Variants in INTS6 observed in about 807,000 individuals in gnomAD.
INTS6 encodes integrator complex subunit 6, also known as DEAD box protein.
A neutral mutation model predicts 104.9 loss-of-function variants in INTS6; 16 were observed. The observed-to-expected ratio is 0.15, with a 90% CI of 0.10 to 0.23. INTS6 has a LOEUF of 0.23. Among genes scored for constraint, INTS6 ranks in the 10% least tolerant of loss-of-function variants. INTS6 has a pLI of 1.00. For synonymous variants in INTS6, 324 were observed against 358.7 expected, an observed-to-expected ratio of 0.90 and a Z score of 1.09; for missense variants, 584 against 1,062.8, an observed-to-expected ratio of 0.55 and a Z score of 6.26.
intron 6 of INTS6, 83 bp downstream of exon 6, chr13:51,389,236 G>T: frequency 2.7e-6 from 4 of 1,474,174 alleles, no homozygotes; most frequent in Non-Finnish European, 2.7e-6. Flanking sequence ...CTATCTTAAG[G>T]CCAAATCACA....
intron 4 of INTS6, among the ~76,000 whole-genome samples, chr13:51,428,498 T>G (rs1957025351): frequency 2.0e-5 from 3 of 152,138 alleles, no homozygotes; most frequent in Non-Finnish European, 4.4e-5. Context: ...CTAATTTTTT[T>G]GTATTTTTGG....
At chr13:51,372,797 C>T (rs942834148) in intron 15 of INTS6, among the ~76,000 whole-genome samples, 1 of 152,154 alleles carries the variant, frequency 6.6e-6, no homozygotes, top group Admixed American at 6.5e-5. Flanking sequence ...TTCTTGAAAC[C>T]CCACTGTCAG....
chr13:51,379,013 G>C (rs1322737491), intron 11 of INTS6, among the ~76,000 whole-genome samples: 1 of 151,942 alleles, frequency 6.6e-6, no homozygotes, highest in African/African-American at 2.4e-5. Context: ...TATACTGCTT[G>C]ACTACTATAG....
At chr13:51,440,526 G>A (rs575011520) in intron 3 of INTS6, 2 of 152,168 alleles carry the variant, frequency 1.3e-5, no homozygotes, top group Admixed American at 6.5e-5. Context: ...CACTCATCAC[G>A]AACTCACTCA....
chr13:51,354,581 C>A (rs1955451485), intron 3 of INTS6, among the ~76,000 whole-genome samples: 2 of 149,130 alleles, frequency 1.3e-5, no homozygotes, highest in Non-Finnish European at 3.0e-5. Flanking sequence ...CATAGGGAGA[C>A]CCCATCTCAG....
intron 6 of INTS6, among the ~76,000 whole-genome samples, chr13:51,388,271 A>G (rs1262105394): frequency 1.3e-5 from 2 of 151,660 alleles, no homozygotes; most frequent in Non-Finnish European, 2.9e-5. Context: ...CCATTCTTTC[A>G]TCTCTATGAT....
At chr13:51,380,062 C>T (rs972746313) in intron 10 of INTS6, among the ~76,000 whole-genome samples, 1 of 151,936 alleles carries the variant, frequency 6.6e-6, no homozygotes, top group African/African-American at 2.4e-5. Context: ...AATAACAATA[C>T]CTACTCTTAC....
chr13:51,347,937 G>A, the INTS6 span, among the ~76,000 whole-genome samples: 4 of 148,608 alleles, frequency 2.7e-5, no homozygotes, highest in African/African-American at 1.0e-4. Context: ...TACTCTATGT[G>A]GTTCTGCATG....
In INTS6 at chr13:51,361,706, T is replaced by C; in HGVS notation, c.*4046A>G. 1 of 1,017,912 alleles carries C rather than the reference T, an allele frequency of 9.8e-7. No individual in the cohort carries two copies. The highest frequency in any genetic ancestry group is 1.6e-5 in the African/African-American group (1 of 61,450). 63.1% of individuals were successfully genotyped at this position (1,017,912 alleles called of 1,614,324 possible). ...ACAACAGTAAACAATCAAATGCCAT[T>C]AGGATGCTTTGATTTCTTAAAAAAT... On this transcript the variant is annotated 3_prime_UTR_variant, in exon 18 of 18. Transcript: ENST00000311234.
intron 4 of INTS6, among the ~76,000 whole-genome samples, chr13:51,415,409 C>T (rs1365787979): frequency 6.6e-6 from 1 of 152,108 alleles, no homozygotes; most frequent in Non-Finnish European, 1.5e-5. Flanking sequence ...CCCACAATTC[C>T]CACATTTTGT....
At chr13:51,356,356 G>A (rs1386263456) in intron 3 of INTS6, among the ~76,000 whole-genome samples, 1 of 152,056 alleles carries the variant, frequency 6.6e-6, no homozygotes, top group Non-Finnish European at 1.5e-5. Context: ...TGAAAAGATT[G>A]GAGGGCAAGG....
chr13:51,420,137 C>T (rs893718338), intron 4 of INTS6, among the ~76,000 whole-genome samples: 1 of 152,084 alleles, frequency 6.6e-6, no homozygotes, highest in Non-Finnish European at 1.5e-5. Context: ...CCATGTTATT[C>T]AAGAAGCAAA....
intron 4 of INTS6, among the ~76,000 whole-genome samples, chr13:51,415,087 C>CT (rs1956762638): frequency 1.3e-5 from 2 of 151,246 alleles, no homozygotes; most frequent in South Asian, 4.2e-4. Context: ...CTACTGCATT[C>CT]TGTTATAGCA....
At chr13:51,449,470 C>T (rs1022074717) in intron 3 of INTS6, 4 of 985,006 alleles carry the variant, frequency 4.1e-6, no homozygotes, top group South Asian at 4.7e-5. Context: ...AGCAGTTTTT[C>T]GAAGGAAGCA....
intron 7 of INTS6, chr13:51,384,187 T>TACATAAC (rs1956099358): frequency 6.3e-6 from 1 of 159,524 alleles, no homozygotes; most frequent in Admixed American, 6.1e-5. Flanking sequence ...TAACAAAATA[T>TACATAAC]ATACCAAAAT....
intron 4 of INTS6, among the ~76,000 whole-genome samples, chr13:51,399,865 A>C (rs1428550264): frequency 6.6e-6 from 1 of 151,954 alleles, no homozygotes; most frequent in East Asian, 1.9e-4. Flanking sequence ...TATTATTTTT[A>C]ATTGGGTTGT....
chr13:51,396,941 T>C (rs1956350578), intron 4 of INTS6, among the ~76,000 whole-genome samples: 1 of 152,206 alleles, frequency 6.6e-6, no homozygotes, highest in African/African-American at 2.4e-5. Context: ...ATAATGGTAT[T>C]TAAGTATATG....
chr13:51,352,482 T>C (rs1163873896), downstream of INTS6, among the ~76,000 whole-genome samples: 1 of 151,934 alleles, frequency 6.6e-6, no homozygotes, highest in Non-Finnish European at 1.5e-5. Flanking sequence ...TTTTTTTTTG[T>C]GTGTGTGGAT....
At chr13:51,375,351 CAAA>C (rs34281256) in intron 13 of INTS6, among the ~76,000 whole-genome samples, 9 of 120,828 alleles carry the variant, frequency 7.4e-5, no homozygotes, top group Non-Finnish European at 7.3e-5. Context: ...GGCTCTGACT[CAAA>C]AAAAAAAAAA....
Sources: allele counts gnomAD v4.1 joint callset (sites outside exome capture counted in the v4.1 genomes callset), GRCh38; gene constraint gnomAD v4.1.1; transcripts MANE v1.5; gene names NCBI Gene and HGNC (gene_info 2026-07-23, HGNC 2026-07-21).